TRPC4: variants seen among roughly 807,000 people sequenced by gnomAD.
TRPC4 encodes the protein transient receptor potential cation channel subfamily C member 4, also known as short transient receptor potential channel 4.
TRPC4 carries 49 observed loss-of-function variants against 99.4 expected under a neutral mutation model. That is an observed-to-expected ratio of 0.49 (90% CI 0.39 to 0.63). The LOEUF is 0.63. Among genes scored for constraint, TRPC4 ranks in the 20% least tolerant of loss-of-function variants. The pLI is 0.00. For synonymous variants in TRPC4, 454 were observed against 425.9 expected (o/e 1.07, Z -0.81); for missense variants, 898 against 1,152.9 (o/e 0.78, Z 3.20).
intron 4 of TRPC4, among the ~76,000 whole-genome samples, chr13:37,686,417 G>A (rs183897939): frequency 0.013 from 2,007 of 151,226 alleles, 16 homozygotes; most frequent in Non-Finnish European, 0.018. Context: ...CTGGTTATAC[G>A]TATACGTGTG....
intron 3 of TRPC4, among the ~76,000 whole-genome samples, chr13:37,731,483 TA>T (rs1217278694): frequency 6.6e-6 from 1 of 151,916 alleles, no homozygotes; most frequent in African/African-American, 2.4e-5. Context: ...AAAACATAAG[TA>T]AAACCAAAAT....
At chr13:37,869,179 G>A (rs1204228197) in intron 1 of TRPC4, among the ~76,000 whole-genome samples, 1 of 151,358 alleles carries the variant, frequency 6.6e-6, no homozygotes, top group Non-Finnish European at 1.5e-5. Flanking sequence ...TCACTTATAT[G>A]CACCCAGATG....
At chr13:37,726,550 G>A (rs1955065134) in intron 3 of TRPC4, among the ~76,000 whole-genome samples, 1 of 151,966 alleles carries the variant, frequency 6.6e-6, no homozygotes, top group African/African-American at 2.4e-5. Context: ...AAAGAAGATA[G>A]TAATGCAGGA....
intron 1 of TRPC4, among the ~76,000 whole-genome samples, chr13:37,815,192 A>T (rs1667550838): frequency 6.6e-6 from 1 of 151,826 alleles, no homozygotes; most frequent in Admixed American, 6.6e-5. Flanking sequence ...AGGATCAAAG[A>T]TCTAAATGTT....
At chr13:37,733,274 A>G (rs1049023595) in intron 3 of TRPC4, among the ~76,000 whole-genome samples, 4 of 152,136 alleles carry the variant, frequency 2.6e-5, no homozygotes, top group Non-Finnish European at 5.9e-5. Flanking sequence ...CCCAGTCCCA[A>G]AACACAGCGA....
At chr13:37,691,355 C>T (rs950069901) in intron 4 of TRPC4, among the ~76,000 whole-genome samples, 2 of 152,086 alleles carry the variant, frequency 1.3e-5, no homozygotes, top group Non-Finnish European at 2.9e-5. Context: ...CCGCCCGCCT[C>T]GGCCTCCCAA....
intron 6 of TRPC4, among the ~76,000 whole-genome samples, chr13:37,655,847 C>G (rs1033323129): frequency 6.6e-6 from 1 of 152,062 alleles, no homozygotes. Flanking sequence ...AATCTCTGTC[C>G]TAGGGCACTA....
intron 3 of TRPC4, among the ~76,000 whole-genome samples, chr13:37,695,716 G>T (rs1386021168): frequency 6.6e-6 from 1 of 152,162 alleles, no homozygotes; most frequent in Non-Finnish European, 1.5e-5. Context: ...TAAAAAGTTT[G>T]AAAAGTCTGA....
intron 1 of TRPC4, among the ~76,000 whole-genome samples, chr13:37,856,252 T>C (rs1204778869): frequency 6.6e-6 from 1 of 151,572 alleles, no homozygotes; most frequent in Non-Finnish European, 1.5e-5. Context: ...TACATGCCAA[T>C]AAATTCTAAA....
chr13:37,833,382 T>C (rs1593284604), intron 1 of TRPC4, among the ~76,000 whole-genome samples: 1 of 152,200 alleles, frequency 6.6e-6, no homozygotes, highest in Non-Finnish European at 1.5e-5. Context: ...TTCACCTGAT[T>C]GAAAAGTACC....
chr13:37,669,354 A>T (rs2138730065), intron 5 of TRPC4, among the ~76,000 whole-genome samples: 1 of 152,334 alleles, frequency 6.6e-6, no homozygotes, highest in African/African-American at 2.4e-5. Flanking sequence ...TGTGGTCCCC[A>T]GGCATCAACA....
chr13:37,659,994 T>C (rs1952374428), intron 6 of TRPC4, among the ~76,000 whole-genome samples: 1 of 152,128 alleles, frequency 6.6e-6, no homozygotes, highest in African/African-American at 2.4e-5. Flanking sequence ...CAGCTGAATA[T>C]ATTGTGCAAC....
chr13:37,813,218 A>G (rs1404959833), intron 1 of TRPC4, among the ~76,000 whole-genome samples: 1 of 151,896 alleles, frequency 6.6e-6, no homozygotes, highest in African/African-American at 2.4e-5. Flanking sequence ...AATACAAGTG[A>G]AAATATAGCA....
At chr13:37,851,217 T>C (rs1291434814) in intron 1 of TRPC4, among the ~76,000 whole-genome samples, 2 of 152,210 alleles carry the variant, frequency 1.3e-5, no homozygotes, top group Non-Finnish European at 2.9e-5. Flanking sequence ...CAGCCTGTGA[T>C]TGGATTAGAT....
chr13:37,817,704 A>G (rs1315253986), intron 1 of TRPC4, among the ~76,000 whole-genome samples: 1 of 151,988 alleles, frequency 6.6e-6, no homozygotes, highest in Non-Finnish European at 1.5e-5. Context: ...GAACAATGGA[A>G]CAGAATAAAG....
chr13:37,756,308 A>T (rs912562578), intron 2 of TRPC4, among the ~76,000 whole-genome samples: 3 of 152,156 alleles, frequency 2.0e-5, no homozygotes, highest in Non-Finnish European at 4.4e-5. Context: ...TTACAATCTT[A>T]TCTAAACAAA....
At chr13:37,821,267 AG>A (rs1958004341) in intron 1 of TRPC4, among the ~76,000 whole-genome samples, 1 of 151,290 alleles carries the variant, frequency 6.6e-6, no homozygotes, top group Admixed American at 6.6e-5. Flanking sequence ...GGGAGGTGAA[AG>A]ATCTCTACAA....
At chr13:37,839,181 GCCTTGATACC>G (rs1958658992) in intron 1 of TRPC4, among the ~76,000 whole-genome samples, 1 of 152,172 alleles carries the variant, frequency 6.6e-6, no homozygotes, top group Non-Finnish European at 1.5e-5. Context: ...CCAACAGGAT[GCCTTGATACC>G]TTGTAGCTAT....
intron 1 of TRPC4, among the ~76,000 whole-genome samples, chr13:37,823,303 T>C (rs74693186): frequency 0.28 from 42,733 of 150,276 alleles, 6,271 homozygotes; most frequent in East Asian, 0.42. Context: ...TTTTTGGCTT[T>C]TGTTGCCATT....
Sources: gnomAD v4.1 joint callset for allele counts (sites outside exome capture counted in the v4.1 genomes callset) on GRCh38, gnomAD v4.1.1 for gene constraint, MANE v1.5 for transcripts, NCBI Gene and HGNC (gene_info 2026-07-23, HGNC 2026-07-21) for gene names.